Variants in CFAP46 observed in about 807,000 individuals in gnomAD.
CFAP46 encodes cilia- and flagella-associated protein 46.
In CFAP46, 245 loss-of-function variants were observed where a neutral mutation model predicts 325.7. The observed-to-expected ratio is 0.75, with a 90% CI of 0.68 to 0.84. The LOEUF (loss-of-function observed/expected upper bound fraction) is 0.84, where lower values mean the gene tolerates loss of function less well. Ranked by LOEUF, CFAP46 falls within the 40% of genes least tolerant of loss-of-function variation. The probability of loss-of-function intolerance (pLI) is 0.00; values close to 1 mark genes in which losing one functional copy is unlikely to be tolerated. For missense variants in CFAP46, 3,346 were observed against 3,543.0 expected (o/e 0.94, Z 1.41); for synonymous variants, 1,523 against 1,495.9 (o/e 1.02, Z -0.42).
chr10:132,905,458 T>TC (rs1482185148), intron 22 of CFAP46, among the ~76,000 whole-genome samples: 3 of 151,876 alleles, frequency 2.0e-5, no homozygotes, highest in Non-Finnish European at 4.4e-5. Context: ...TCCTTTTTTT[T>TC]TTTTTTTTTG....
intron 41 of CFAP46, among the ~76,000 whole-genome samples, chr10:132,849,451 T>G (rs61862294): frequency 0.098 from 14,916 of 152,156 alleles, 740 homozygotes; most frequent in South Asian, 0.13. Context: ...GCATCTTCCT[T>G]AGGAGCTGGT....
chr10:132,912,584 C>CCT (rs1427195332), intron 19 of CFAP46, 71 bp downstream of exon 19: 6 of 1,362,202 alleles, frequency 4.4e-6, no homozygotes, highest in East Asian at 2.8e-5. Flanking sequence ...CCTCTCCTCT[C>CCT]CTCTCTCTCT....
At chr10:132,926,088 G>A (rs899200760) in intron 10 of CFAP46, among the ~76,000 whole-genome samples, 10 of 152,256 alleles carry the variant, frequency 6.6e-5, no homozygotes, top group Admixed American at 5.9e-4. Context: ...TCCAGAGCCT[G>A]TCGTCTCAGA....
intron 50 of CFAP46, among the ~76,000 whole-genome samples, chr10:132,823,683 CTGA>C (rs1315363403): frequency 2.3e-5 from 2 of 88,784 alleles, no homozygotes; most frequent in African/African-American, 4.7e-5. Context: ...GTGCTGTGTG[CTGA>C]TGTGTGCTGA....
At chr10:132,929,557 C>G in intron 9 of CFAP46, 148 bp downstream of exon 9, 1 of 815,792 alleles carries the variant, frequency 1.2e-6, no homozygotes, top group Non-Finnish European at 2.2e-6. Flanking sequence ...GTGCAAAACA[C>G]AGGTAGGAAA....
chr10:132,863,517 G>A lies in CFAP46; in HGVS notation c.4890+2508C>T, dbSNP rs567959386. 5.3e-5 allele frequency among the ~76,000 whole-genome samples: 8 copies of A among 152,128 alleles called. No individual in the cohort carries two copies. The South Asian group carries it at 1.7e-3, about 32-fold the overall frequency. On this transcript the variant is annotated intron_variant, in intron 35 of 57. Transcript: ENST00000368586. Reference sequence around the variant, plus strand: ...TGCTATCAGAGACCTGCACACACCTGTCCCCAATGCCTGAGACCTGCACAC... The same window carrying A: ...TGCTATCAGAGACCTGCACACACCTATCCCCAATGCCTGAGACCTGCACAC...
In CFAP46 at chr10:132,821,939, C is replaced by T. The variant is rs565365146; in HGVS notation, c.7118-7025G>A. On this transcript the variant is annotated intron_variant, in intron 50 of 57. Transcript: ENST00000368586. Reference sequence around the variant, plus strand: ...TGTGCTGTGTGTGCGCTGATGTGTGCTGTGTGTGCGCTTGTGTGTGCTGTG... The same window carrying T: ...TGTGCTGTGTGTGCGCTGATGTGTGTTGTGTGTGCGCTTGTGTGTGCTGTG... Among the ~76,000 whole-genome samples, 773 of 112,710 alleles carry T rather than the reference C, an allele frequency of 6.9e-3. 20 individuals are homozygous for T. Among genetic ancestry groups the T allele is most frequent in the African/African-American group, 0.026 (741 of 28,554 alleles). 73.9% of individuals were successfully genotyped at this position (112,710 alleles called of 152,430 possible).
At chr10:132,864,905 A>G in intron 35 of CFAP46, among the ~76,000 whole-genome samples, 1 of 123,706 alleles carries the variant, frequency 8.1e-6, no homozygotes, top group Non-Finnish European at 1.7e-5. Context: ...ACCTGCCCTC[A>G]GTGCCTGAGA....
rs904308384 is a variant in CFAP46 at position 132,889,493 on chromosome 10, C to T, written c.3304+2840G>A. Among the ~76,000 whole-genome samples the T allele has an allele frequency of 1.3e-5, 2 of 152,200 alleles. No individual in the cohort carries two copies. The highest frequency in any genetic ancestry group is 4.1e-4 in the South Asian group (2 of 4,830). On this transcript the variant is annotated intron_variant, in intron 25 of 57. Coordinates refer to ENST00000368586, the MANE Select transcript of CFAP46 (RefSeq NM_001200049.3). The surrounding 1 kb of genome is among the most constrained non-coding windows in gnomAD (Gnocchi z 6.0). ...GCGTCTGAAACTTGGGAACCCTGAGCCCTGCTTCCTCCTGCTTGAATTCAT... is the reference window on the plus strand; with the variant it reads ...GCGTCTGAAACTTGGGAACCCTGAGTCCTGCTTCCTCCTGCTTGAATTCAT...
chr10:132,881,034 T>C lies in CFAP46; in HGVS notation c.3628-2A>G. ...CTTCTGCCACTCCATCTCAGGCTTC[T>C]GTGGGATTGAACAGGAAGGGTGACA... is the stretch of plus-strand genomic sequence containing the variant. On this transcript the variant is annotated splice_acceptor_variant, in intron 27 of 57. Transcript: ENST00000368586. LOFTEE classifies it high-confidence loss of function. 6.4e-7 allele frequency: 1 copy of C among 1,550,450 alleles called. No homozygotes were observed. Among genetic ancestry groups the C allele is most frequent in the South Asian group, 1.2e-5 (1 of 84,056 alleles).
intron 28 of CFAP46, among the ~76,000 whole-genome samples, 170 bp from the exon 29 acceptor site, chr10:132,879,801 T>C (rs1024387382): frequency 6.6e-6 from 1 of 152,144 alleles, no homozygotes; most frequent in African/African-American, 2.4e-5. Flanking sequence ...CGTGTTGTAC[T>C]TACTCTGCGA....
At chr10:132,810,346 C>T (rs1847553042) in intron 57 of CFAP46, 63 bp downstream of exon 57, 2 of 1,402,020 alleles carry the variant, frequency 1.4e-6, no homozygotes, top group Non-Finnish European at 2.0e-6. Context: ...AGTGCACGTG[C>T]CCCATGGGCA....
chr10:132,837,913 G>A lies in CFAP46; in HGVS notation c.6439-999C>T, dbSNP rs1323593993. ...GACACACACAGATGAACACATACAC[G>A]GACCCAGACACGCAGACATGCACGG... On this transcript the variant is annotated intron_variant, in intron 44 of 57. Coordinates refer to ENST00000368586, the MANE Select transcript of CFAP46 (RefSeq NM_001200049.3). 2.7e-5 allele frequency among the ~76,000 whole-genome samples: 4 copies of A among 146,974 alleles called. No individual in the cohort carries two copies. The East Asian group carries it at 6.3e-4, about 23-fold the overall frequency.
intron 17 of CFAP46, 93 bp from the exon 18 acceptor site, chr10:132,913,351 TGCAGGGCAAGAA>T: frequency 2.1e-6 from 1 of 473,574 alleles, no homozygotes; most frequent in Non-Finnish European, 3.8e-6. Context: ...GGAACCAGGC[TGCAGGGCAAGAA>T]GTGGGAGGGG....
rs148424472 is a variant in CFAP46 at position 132,883,441 on chromosome 10, C to T, written c.3627+1662G>A. Among the ~76,000 whole-genome samples, 3 of 152,350 alleles carry T rather than the reference C, an allele frequency of 2.0e-5. No individual in the cohort carries two copies. In the East Asian group the frequency reaches 5.8e-4, roughly 29 times the overall value. On this transcript the variant is annotated intron_variant, in intron 27 of 57. Coordinates refer to ENST00000368586, the MANE Select transcript of CFAP46 (RefSeq NM_001200049.3). ...GAGGAGACACCCCTTTCACCCCTGC[C>T]GGCACAGCTAGAATAGTCAGACGAC...
In CFAP46 at chr10:132,847,173, A is replaced by T. The variant is rs768490631; in HGVS notation, c.6087+14T>A. 34 of 1,609,662 alleles carry T rather than the reference A, an allele frequency of 2.1e-5. No homozygotes were observed. The highest frequency in any genetic ancestry group is 2.9e-5 in the Non-Finnish European group (34 of 1,178,764). On this transcript the variant is annotated intron_variant, in intron 42 of 57. Transcript: ENST00000368586. The surrounding 1 kb of genome is among the most constrained non-coding windows in gnomAD (Gnocchi z 5.2). Reference sequence around the variant, plus strand: ...GGGCAGAGGCCACACGAGGGGCAGGAGGGGCAGCCGCACCTTCAGGTCCTC... The same window carrying T: ...GGGCAGAGGCCACACGAGGGGCAGGTGGGGCAGCCGCACCTTCAGGTCCTC...
chr10:132,868,912 T>C (rs1189569742), intron 33 of CFAP46, among the ~76,000 whole-genome samples: 3 of 152,260 alleles, frequency 2.0e-5, no homozygotes, highest in Non-Finnish European at 2.9e-5. Context: ...AGTGAACTCC[T>C]GCCTGAAGGC....
rs1372394123 is a variant in CFAP46 at position 132,885,851 on chromosome 10, A to G, written c.3413T>C (p.Val1138Ala). Reference protein sequence around the residue: ...EGGLKVLDEAVQVLPRTAHRL... With the variant: ...EGGLKVLDEAAQVLPRTAHRL... ...GTGGGCCGTCCTTGGCAGCACCTGCACAGCCTCGTCCAGCACCTTGAGGCC... is the reference window on the plus strand; with the variant it reads ...GTGGGCCGTCCTTGGCAGCACCTGCGCAGCCTCGTCCAGCACCTTGAGGCC... The change falls in exon 26 of 58, where the codon GTG (valine) becomes GCG (alanine). Residue 1138 changes from valine to alanine, a missense_variant. Transcript: ENST00000368586. 6.5e-7 allele frequency: 1 copy of G among 1,545,520 alleles called. No individual in the cohort carries two copies. Among genetic ancestry groups the G allele is most frequent in the Non-Finnish European group, 8.7e-7 (1 of 1,144,524 alleles).
intron 22 of CFAP46, among the ~76,000 whole-genome samples, chr10:132,901,361 T>C (rs1181507726): frequency 6.6e-6 from 1 of 152,268 alleles, no homozygotes; most frequent in East Asian, 1.9e-4. Flanking sequence ...TTTCTTCCCT[T>C]TTTTTGCATG....
Sources: gnomAD v4.1 joint callset for allele counts (sites outside exome capture counted in the v4.1 genomes callset) on GRCh38, gnomAD v4.1.1 for gene constraint, Gnocchi (gnomAD v3.1) non-coding constraint, MANE v1.5 for transcripts, NCBI Gene and HGNC (gene_info 2026-07-23, HGNC 2026-07-21) for gene names.